Variants in SRBD1 observed in about 807,000 individuals in gnomAD.
SRBD1 encodes the protein S1 RNA binding domain 1.
In SRBD1, 88 loss-of-function variants were observed where a neutral mutation model predicts 115.3. The observed-to-expected ratio is 0.76, with a 90% CI of 0.64 to 0.91. The LOEUF (loss-of-function observed/expected upper bound fraction) is 0.91, where lower values mean the gene tolerates loss of function less well. SRBD1 is among the 40% of genes least tolerant of loss of function. The pLI, the probability that SRBD1 is intolerant of heterozygous loss-of-function variation, is 0.00. For missense variants in SRBD1, 1,385 were observed against 1,177.4 expected (o/e 1.18, Z -2.58); for synonymous variants, 509 against 407.7 (o/e 1.25, Z -2.99).
intron 14 of SRBD1, among the ~76,000 whole-genome samples, chr2:45,492,335 A>G (rs969431177): frequency 6.6e-6 from 1 of 152,228 alleles, no homozygotes; most frequent in African/African-American, 2.4e-5. Context: ...TACAGTGACT[A>G]TTCATTCTGA....
chr2:45,446,100 T>C (rs933923545), intron 16 of SRBD1, among the ~76,000 whole-genome samples: 3 of 152,198 alleles, frequency 2.0e-5, no homozygotes, highest in South Asian at 2.1e-4. Context: ...AGAGACCATA[T>C]TGGACAGGAT....
chr2:45,443,610 C>A (rs1250393481), intron 16 of SRBD1, among the ~76,000 whole-genome samples: 2 of 152,030 alleles, frequency 1.3e-5, no homozygotes, highest in African/African-American at 4.8e-5. Context: ...AAGGTAGAAA[C>A]TGTCTAGCAT....
chr2:45,577,429 A>G (rs1336062149), intron 7 of SRBD1, among the ~76,000 whole-genome samples: 1 of 152,172 alleles, frequency 6.6e-6, no homozygotes, highest in Non-Finnish European at 1.5e-5. Context: ...CCAGCTACAG[A>G]ATCTTCAAAC....
chr2:45,531,075 A>C (rs146626137), intron 14 of SRBD1, among the ~76,000 whole-genome samples: 222 of 151,964 alleles, frequency 1.5e-3, no homozygotes, highest in African/African-American at 5.1e-3. Flanking sequence ...ATAAAACCCC[A>C]AGAAACCTCA....
At chr2:45,398,571 T>C (rs116755350) in intron 19 of SRBD1, among the ~76,000 whole-genome samples, 4,088 of 152,310 alleles carry the variant, frequency 0.027, 75 homozygotes, top group Non-Finnish European at 0.042. Context: ...TCATTGTATG[T>C]AGGAGAATAT....
chr2:45,584,287 T>TA (rs1231426234), intron 5 of SRBD1, among the ~76,000 whole-genome samples: 9 of 152,238 alleles, frequency 5.9e-5, no homozygotes, highest in African/African-American at 1.9e-4. Context: ...TTGCCCCTCT[T>TA]AGACAGGGTT....
At chr2:45,464,618 A>G (rs1008132972) in intron 16 of SRBD1, among the ~76,000 whole-genome samples, 1 of 152,226 alleles carries the variant, frequency 6.6e-6, no homozygotes, top group African/African-American at 2.4e-5. Context: ...GCTTTGAGAC[A>G]GATTACATTT....
chr2:45,528,005 T>A (rs1163465465), intron 14 of SRBD1, among the ~76,000 whole-genome samples: 1 of 151,872 alleles, frequency 6.6e-6, no homozygotes, highest in Non-Finnish European at 1.5e-5. Context: ...GAGATTTAGC[T>A]GAGGCAATTT....
At chr2:45,530,309 C>G (rs1671572857) in intron 14 of SRBD1, among the ~76,000 whole-genome samples, 1 of 151,998 alleles carries the variant, frequency 6.6e-6, no homozygotes, top group East Asian at 1.9e-4. Flanking sequence ...AAGCTTTGGA[C>G]TAGCCTGTAA....
chr2:45,436,768 A>T (rs1453637949), intron 16 of SRBD1, among the ~76,000 whole-genome samples: 1 of 152,198 alleles, frequency 6.6e-6, no homozygotes, highest in East Asian at 1.9e-4. Flanking sequence ...GATGATTACA[A>T]TTCATGATGA....
intron 14 of SRBD1, among the ~76,000 whole-genome samples, chr2:45,508,959 T>C (rs575675714): frequency 2.6e-4 from 40 of 152,048 alleles, no homozygotes; most frequent in African/African-American, 9.2e-4. Context: ...GACAGAAAAA[T>C]GTTTGCAGGG....
intron 14 of SRBD1, among the ~76,000 whole-genome samples, chr2:45,515,287 C>T (rs1671085456): frequency 6.6e-6 from 1 of 152,030 alleles, no homozygotes; most frequent in African/African-American, 2.4e-5. Flanking sequence ...ATTATTATCC[C>T]ATATAGTAGC....
intron 19 of SRBD1, among the ~76,000 whole-genome samples, chr2:45,402,339 T>C (rs1667313619): frequency 6.6e-6 from 1 of 152,210 alleles, no homozygotes; most frequent in South Asian, 2.1e-4. Context: ...TTTTGCTATG[T>C]GATTATTCCT....
chr2:45,496,918 A>C (rs1678725219), intron 14 of SRBD1, among the ~76,000 whole-genome samples: 1 of 152,228 alleles, frequency 6.6e-6, no homozygotes, highest in Non-Finnish European at 1.5e-5. Flanking sequence ...AATGCTGAAA[A>C]AAAATCCTGA....
intron 11 of SRBD1, among the ~76,000 whole-genome samples, chr2:45,553,128 C>T (rs1031713295): frequency 2.0e-5 from 3 of 152,166 alleles, no homozygotes; most frequent in Admixed American, 6.5e-5. Flanking sequence ...GTCCTGAAAA[C>T]AATTCTGCAC....
intron 2 of SRBD1, 68 bp from the exon 3 acceptor site, chr2:45,602,151 G>T: frequency 6.6e-7 from 1 of 1,512,742 alleles, no homozygotes; most frequent in Non-Finnish European, 8.9e-7. Context: ...AAAAAGAGAT[G>T]CAAGATTCTT....
rs986693164 is a variant in SRBD1, at chr2:45,428,555, A to AAAATAAATAAAT, written c.2050-8673_2050-8662dup. ...CGACAGAACGAGACTCCGTCTCAAAAAAATAAATAAATAAATAAATAAATA... is the reference window on the plus strand; with the variant it reads ...CGACAGAACGAGACTCCGTCTCAAAAAAATAAATAAATAAATAAATAAATAAATAAATAAATA... On this transcript the variant is annotated intron_variant, in intron 16 of 20. Transcript: ENST00000263736. Among the ~76,000 whole-genome samples, 640 of 150,474 alleles carry AAAATAAATAAAT rather than the reference A, an allele frequency of 4.3e-3. 8 individuals are homozygous for AAAATAAATAAAT. The highest frequency in any genetic ancestry group is 0.014 in the African/African-American group (555 of 40,296).
Position 45,419,825 on chromosome 2 carries a change from C to G in SRBD1, c.2119G>C (p.Gly707Arg). 6.2e-7 allele frequency: 1 copy of G among 1,613,844 alleles called. No individual in the cohort carries two copies. The highest frequency in any genetic ancestry group is 8.5e-7 in the Non-Finnish European group (1 of 1,179,854). ...TCTGAACAGATGTTAATATCCACTC[C>G]CACAAAGCTGACACATTCTTCTACA... ...SVVEECVSFV[G>R]VDINICSEVL... is the part of the protein sequence containing the mutation. The change falls in exon 17 of 21, where the codon GGA (glycine) becomes CGA (arginine). Residue 707 changes from glycine (G) to arginine (R), a missense_variant. By Grantham distance (125) the Gly-to-Arg change is moderately radical. Transcript: ENST00000263736.
At chr2:45,471,722 C>T (rs1274421580) in intron 16 of SRBD1, among the ~76,000 whole-genome samples, 1 of 152,094 alleles carries the variant, frequency 6.6e-6, no homozygotes, top group Non-Finnish European at 1.5e-5. Flanking sequence ...AATAATAACA[C>T]CCTCTAAAAT....
Sources: gnomAD v4.1 joint callset for allele counts (sites outside exome capture counted in the v4.1 genomes callset) on GRCh38, gnomAD v4.1.1 for gene constraint, MANE v1.5 for transcripts, NCBI Gene and HGNC (gene_info 2026-07-23, HGNC 2026-07-21) for gene names.